Variants in SGCZ observed in about 807,000 individuals in gnomAD.
SGCZ encodes zeta-sarcoglycan.
In SGCZ, 40 loss-of-function variants were observed where a neutral mutation model predicts 41.3. The ratio of observed to expected loss-of-function variants is 0.97; its 90% CI spans 0.75 to 1.26. SGCZ has a LOEUF of 1.26. Ranked by LOEUF, SGCZ falls within the 50% of genes most tolerant of loss-of-function variation. The probability of loss-of-function intolerance (pLI) is 0.00; values close to 1 mark genes in which losing one functional copy is unlikely to be tolerated. For missense variants in SGCZ, 552 were observed against 369.8 expected, an observed-to-expected ratio of 1.49 and a Z score of -4.04; for synonymous variants, 206 against 137.5, an observed-to-expected ratio of 1.50 and a Z score of -3.49.
intron 1 of SGCZ, among the ~76,000 whole-genome samples, chr8:15,219,538 T>G (rs974302725): frequency 6.6e-6 from 1 of 152,210 alleles, no homozygotes; most frequent in African/African-American, 2.4e-5. Flanking sequence ...GGGAATTTCA[T>G]CCCAGACTAT....
Position 15,098,952 on chromosome 8 carries a change from G to A in SGCZ, c.39+138633C>T, listed in dbSNP as rs374428786. Among the ~76,000 whole-genome samples, 169 of 152,258 alleles carry A rather than the reference G, an allele frequency of 1.1e-3. 1 individual carries two copies. Among genetic ancestry groups the A allele is most frequent in the African/African-American group, 3.8e-3 (157 of 41,548 alleles). On this transcript the variant is annotated intron_variant, in intron 1 of 7. Coordinates refer to ENST00000382080, the MANE Select transcript of SGCZ (RefSeq NM_139167.4). ...GGGTGCCTGTAATCCCAGCTACTCCGGAGGCTAAGGCAGGAGAATCACTTG... is the reference window on the plus strand; with the variant it reads ...GGGTGCCTGTAATCCCAGCTACTCCAGAGGCTAAGGCAGGAGAATCACTTG...
intron 3 of SGCZ, among the ~76,000 whole-genome samples, chr8:14,245,756 CACAA>C (rs1383779371): frequency 6.6e-6 from 1 of 151,928 alleles, no homozygotes; most frequent in Non-Finnish European, 1.5e-5. Context: ...CAAAAAAAAC[CACAA>C]ACAACCCCAT....
chr8:14,449,120 A>G (rs1484250961), intron 2 of SGCZ, among the ~76,000 whole-genome samples: 1 of 152,148 alleles, frequency 6.6e-6, no homozygotes, highest in African/African-American at 2.4e-5. Flanking sequence ...GGCATAGCAA[A>G]ACATTCGGGG....
Position 14,129,857 on chromosome 8 carries a change from A to G in SGCZ, c.548-21622T>C, listed in dbSNP as rs118186574. On this transcript the variant is annotated intron_variant, in intron 5 of 7. Transcript: ENST00000382080. ...TGAATAAAGACAGAAGTAACTGGAA[A>G]CACATAACATGTCCATAGGTAAGAA... Among the ~76,000 whole-genome samples, 1,247 of 152,344 alleles carry G rather than the reference A, an allele frequency of 8.2e-3. 19 individuals carry two copies. Among genetic ancestry groups the G allele is most frequent in the East Asian group, 0.065 (336 of 5,186 alleles).
At chr8:14,310,625 C>T (rs568199113) in intron 3 of SGCZ, among the ~76,000 whole-genome samples, 11 of 151,732 alleles carry the variant, frequency 7.2e-5, no homozygotes, top group Non-Finnish European at 1.3e-4. Context: ...TAAAGCAGTC[C>T]CATTCATATT....
chr8:14,854,951 C>T (rs560107803), intron 1 of SGCZ, among the ~76,000 whole-genome samples: 2 of 151,522 alleles, frequency 1.3e-5, no homozygotes, highest in Non-Finnish European at 2.9e-5. Context: ...CATGCTATGG[C>T]CTCTCTTGGG....
rs535534581 is a variant in SGCZ at position 14,389,051 on chromosome 8, C to T, written c.235-64847G>A. Reference sequence around the variant, plus strand: ...GATATAAAGTAGGAGACATTCAAAACCACCAATTTTAATTTTTAGATATGA... The same window carrying T: ...GATATAAAGTAGGAGACATTCAAAATCACCAATTTTAATTTTTAGATATGA... On this transcript the variant is annotated intron_variant, in intron 2 of 7. Transcript: ENST00000382080. Among the ~76,000 whole-genome samples the T allele has an allele frequency of 1.2e-3, 188 of 151,816 alleles. 2 individuals carry two copies. The South Asian group carries it at 0.017, about 14-fold the overall frequency.
intron 5 of SGCZ, among the ~76,000 whole-genome samples, chr8:14,131,912 T>C (rs1462335168): frequency 6.6e-6 from 1 of 152,142 alleles, no homozygotes; most frequent in African/African-American, 2.4e-5. Flanking sequence ...TTTTATATAG[T>C]CTAGGTGGAT....
chr8:15,037,016 G>C (rs867736787), intron 1 of SGCZ, among the ~76,000 whole-genome samples: 7 of 152,260 alleles, frequency 4.6e-5, no homozygotes, highest in African/African-American at 1.7e-4. Context: ...AACAGAAGCA[G>C]AAAAAGCATT....
At chr8:14,653,935 A>C (rs1807480479) in intron 1 of SGCZ, among the ~76,000 whole-genome samples, 1 of 152,148 alleles carries the variant, frequency 6.6e-6, no homozygotes, top group Admixed American at 6.6e-5. Flanking sequence ...CACCAATTAA[A>C]AGACAGATTT....
intron 1 of SGCZ, among the ~76,000 whole-genome samples, chr8:14,736,509 C>T (rs1026011339): frequency 2.0e-5 from 3 of 151,938 alleles, no homozygotes; most frequent in African/African-American, 7.3e-5. Flanking sequence ...TTTTGAGGTG[C>T]AGGTGGTATT....
At chr8:14,424,090 C>A (rs1799710048) in intron 2 of SGCZ, among the ~76,000 whole-genome samples, 1 of 152,214 alleles carries the variant, frequency 6.6e-6, no homozygotes, top group South Asian at 2.1e-4. Flanking sequence ...GTCAATGAGT[C>A]TGCTGATAGA....
intron 1 of SGCZ, among the ~76,000 whole-genome samples, chr8:14,714,071 A>T (rs1002047083): frequency 2.0e-5 from 3 of 152,070 alleles, no homozygotes; most frequent in African/African-American, 7.2e-5. Flanking sequence ...TGGTTGAAGC[A>T]ATTCTTCTGC....
chr8:15,008,297 G>C (rs941650333), intron 1 of SGCZ, among the ~76,000 whole-genome samples: 1 of 151,620 alleles, frequency 6.6e-6, no homozygotes, highest in African/African-American at 2.4e-5. Flanking sequence ...AGTCCATTAA[G>C]TTTCTGTCAT....
intron 1 of SGCZ, among the ~76,000 whole-genome samples, chr8:15,023,777 T>G (rs570418230): frequency 6.6e-6 from 1 of 152,182 alleles, no homozygotes; most frequent in Non-Finnish European, 1.5e-5. Context: ...AAAAAGGTTA[T>G]GTGAGAGAGA....
intron 4 of SGCZ, among the ~76,000 whole-genome samples, chr8:14,211,863 G>C (rs528039570): frequency 5.8e-4 from 88 of 152,200 alleles, no homozygotes; most frequent in South Asian, 1.0e-3. Flanking sequence ...GCAAGATCAA[G>C]AGGACAGATG....
At chr8:14,972,761 C>T (rs899827766) in intron 1 of SGCZ, among the ~76,000 whole-genome samples, 3 of 152,132 alleles carry the variant, frequency 2.0e-5, no homozygotes, top group Non-Finnish European at 4.4e-5. Flanking sequence ...GAGTTTAAGT[C>T]TTACGATAGC....
At chr8:14,755,540 A>C (rs1799637771) in intron 1 of SGCZ, among the ~76,000 whole-genome samples, 1 of 152,174 alleles carries the variant, frequency 6.6e-6, no homozygotes, top group Non-Finnish European at 1.5e-5. Flanking sequence ...AGCTCTTAAC[A>C]ACAACTTTTA....
At chr8:14,474,496 A>C (rs1353151677) in intron 2 of SGCZ, among the ~76,000 whole-genome samples, 1 of 152,236 alleles carries the variant, frequency 6.6e-6, no homozygotes, top group East Asian at 1.9e-4. Flanking sequence ...ATTTTGCAGC[A>C]ATAGTCATCA....
Sources: gnomAD v4.1 joint callset for allele counts (sites outside exome capture counted in the v4.1 genomes callset) on GRCh38, gnomAD v4.1.1 for gene constraint, MANE v1.5 for transcripts, NCBI Gene and HGNC (gene_info 2026-07-23, HGNC 2026-07-21) for gene names.